Variants in HCN3 observed in about 807,000 individuals in gnomAD.
The protein encoded by HCN3 is potassium/sodium hyperpolarization-activated cyclic nucleotide-gated channel 3.
A neutral mutation model predicts 56.8 loss-of-function variants in HCN3; 36 were observed. The ratio of observed to expected loss-of-function variants is 0.63; its 90% CI spans 0.49 to 0.84. The LOEUF is 0.84. Among genes scored for constraint, HCN3 ranks in the 40% least tolerant of loss-of-function variants. The pLI is 0.00. For synonymous variants in HCN3, 425 were observed against 439.7 expected, an observed-to-expected ratio of 0.97 and a Z score of 0.42; for missense variants, 930 against 1,079.3, an observed-to-expected ratio of 0.86 and a Z score of 1.94.
chr1:155,285,139 C>T lies in HCN3; in HGVS notation c.1090-26C>T, dbSNP rs769941207. 8.1e-6 allele frequency: 13 copies of T among 1,609,696 alleles called. No homozygotes were observed. Among genetic ancestry groups the T allele is most frequent in the South Asian group, 1.1e-5 (1 of 90,858 alleles). ...CCAAATCTCTCCCTCTGTCCTCTTG[C>T]CCCTGGCAATGGGCTGGCCCTCCAG... On this transcript the variant is annotated intron_variant, in intron 4 of 7. Transcript: ENST00000368358. This position sits in a 1 kb window ranked among gnomAD's most constrained non-coding sequence, Gnocchi z 4.5.
At chr1:155,283,467 ACAT>A (rs1333798579) in intron 2 of HCN3, among the ~76,000 whole-genome samples, 2 of 151,898 alleles carry the variant, frequency 1.3e-5, no homozygotes, top group Non-Finnish European at 2.9e-5. Flanking sequence ...CAGGTTAGTT[ACAT>A]ATGTATACAT....
In HCN3 at chr1:155,285,049, G is replaced by C; in HGVS notation, c.1090-116G>C. On this transcript the variant is annotated intron_variant, in intron 4 of 7. Transcript: ENST00000368358. This position sits in a 1 kb window ranked among gnomAD's most constrained non-coding sequence, Gnocchi z 4.5. ...CCTGTGTATCCATGTCTGGTTCCAC[G>C]TTTCACCCCTTTGAGTTTGACCTGT... The C allele has an allele frequency of 5.8e-6, 7 of 1,208,128 alleles. No homozygotes were observed. Among genetic ancestry groups the C allele is most frequent in the Non-Finnish European group, 8.3e-6 (7 of 844,966 alleles). 74.8% of individuals were successfully genotyped at this position (1,208,128 alleles called of 1,614,324 possible). A position where few individuals can be genotyped will look rare whatever the true frequency, so the allele number is the denominator to read the frequency against.
rs1400668612 is a variant in HCN3 at position 155,282,644 on chromosome 1, C to T, written c.512C>T (p.Thr171Ile). Residue 171 changes from threonine (T) to isoleucine (I), a missense_variant, in exon 2 of 8, where the codon ACC becomes ATC. Physicochemically the swap from Thr to Ile is moderately conservative, Grantham distance 89 (BLOSUM62 -1). Coordinates refer to ENST00000368358, the MANE Select transcript of HCN3 (RefSeq NM_020897.3). This position sits in a 1 kb window ranked among gnomAD's most constrained non-coding sequence, Gnocchi z 4.7. The part of the protein sequence containing the change: ...PRAIRTRYLR[T>I]WFLVDLISSI... ...GCCATCCGCACGCGCTACCTGCGCA[C>T]CTGGTTCCTGGTTGACCTCATCTCT... is the stretch of plus-strand genomic sequence containing the variant. 1 of 1,614,232 alleles carries T rather than the reference C, an allele frequency of 6.2e-7. No individual in the cohort carries two copies.
At chr1:155,286,169 G>A (rs939325493) in intron 6 of HCN3, among the ~76,000 whole-genome samples, 10 of 152,046 alleles carry the variant, frequency 6.6e-5, no homozygotes, top group Non-Finnish European at 1.5e-4. Context: ...TTTTTGAGGT[G>A]GAGTCTCGCT....
chr1:155,284,159 C>G lies in HCN3; in HGVS notation c.870+24C>G. 1 of 1,609,620 alleles carries G rather than the reference C, an allele frequency of 6.2e-7. No homozygotes were observed. Among genetic ancestry groups the G allele is most frequent in the Non-Finnish European group, 8.5e-7 (1 of 1,176,554 alleles). ...TGGTGAGAAGTCCCCACAGCTCTGCCTTTCCTGGGCCTTCTTAGGGCTCTT... is the reference window on the plus strand; with the variant it reads ...TGGTGAGAAGTCCCCACAGCTCTGCGTTTCCTGGGCCTTCTTAGGGCTCTT... On this transcript the variant is annotated intron_variant, in intron 3 of 7. Transcript: ENST00000368358. This position sits in a 1 kb window ranked among gnomAD's most constrained non-coding sequence, Gnocchi z 4.3.
In HCN3 at chr1:155,288,060, T is replaced by G. The variant is rs1384686200; in HGVS notation, c.1922T>G (p.Leu641Arg). The G allele has an allele frequency of 6.2e-7, 1 of 1,613,330 alleles. No homozygotes were observed. Among genetic ancestry groups the G allele is most frequent in the South Asian group, 1.1e-5 (1 of 91,042 alleles). ...CTCTCCCCTGACTCTCCAGCCACCCTCCTTGCTCGCTCTGCTTGGCGCTCA... is the reference window on the plus strand; with the variant it reads ...CTCTCCCCTGACTCTCCAGCCACCCGCCTTGCTCGCTCTGCTTGGCGCTCA... ...LPLSPDSPAT[L>R]LARSAWRSAG... The change falls in exon 8 of 8, where the codon CTC becomes CGC. Residue 641 changes from leucine (L) to arginine (R), a missense_variant. Coordinates refer to ENST00000368358, the MANE Select transcript of HCN3 (RefSeq NM_020897.3). The surrounding 1 kb of genome is among the most constrained non-coding windows in gnomAD (Gnocchi z 6.5).
intron 1 of HCN3, among the ~76,000 whole-genome samples, chr1:155,281,418 G>T (rs1402601716): frequency 2.0e-5 from 3 of 150,670 alleles, no homozygotes; most frequent in Non-Finnish European, 4.4e-5. Flanking sequence ...ACCCAGGTTG[G>T]AGAGCAGTGG....
chr1:155,287,953 A>T lies in HCN3; in HGVS notation c.1815A>T (p.Pro605=), dbSNP rs1478598232. 1 of 1,614,066 alleles carries T rather than the reference A, an allele frequency of 6.2e-7. No individual in the cohort carries two copies. Among genetic ancestry groups the T allele is most frequent in the Non-Finnish European group, 8.5e-7 (1 of 1,180,014 alleles). The change falls in exon 8 of 8, where the codon CCA becomes CCT. Residue 605 remains proline (P), a synonymous_variant. Coordinates refer to ENST00000368358, the MANE Select transcript of HCN3 (RefSeq NM_020897.3). The stretch of plus-strand genomic sequence containing the variant: ...GTGGAAAGCCAGTACTGTGGGAGCC[A>T]CTGGTACATGCGCCCCTTCAGGCAG... ...QLSGKPVLWE[P]LVHAPLQAAA...
chr1:155,278,687 C>G (rs1189350198), intron 1 of HCN3, among the ~76,000 whole-genome samples: 2 of 152,178 alleles, frequency 1.3e-5, no homozygotes, highest in Admixed American at 1.3e-4. Flanking sequence ...GAATCTGGAG[C>G]CTCGAAATAC....
chr1:155,287,919 C>T lies in HCN3; in HGVS notation c.1781C>T (p.Ala594Val), dbSNP rs1467642492. The T allele has an allele frequency of 3.7e-6, 6 of 1,614,000 alleles. No homozygotes were observed. The highest frequency in any genetic ancestry group is 5.1e-6 in the Non-Finnish European group (6 of 1,180,022). ...CGGGGTCGGGCCCCGAGCACAGGAG[C>T]TCAGCTTAGTGGAAAGCCAGTACTG... ...GVRGRAPSTGAQLSGKPVLWE... is the reference protein window; with the variant it reads ...GVRGRAPSTGVQLSGKPVLWE... Residue 594 changes from alanine to valine, a missense_variant, in exon 8 of 8, where the codon GCT becomes GTT. Ala to Val is a moderately conservative substitution (Grantham distance 64). Transcript: ENST00000368358.
chr1:155,280,049 C>T (rs1439669856), intron 1 of HCN3, among the ~76,000 whole-genome samples: 4 of 151,572 alleles, frequency 2.6e-5, no homozygotes, highest in African/African-American at 4.8e-5. Flanking sequence ...CGGGTTCAAG[C>T]GATTCTTCTG....
Position 155,288,586 on chromosome 1 carries a change from G to A in HCN3, c.*123G>A, listed in dbSNP as rs1224821123. The A allele has an allele frequency of 1.6e-5, 20 of 1,268,866 alleles. No homozygotes were observed. Among genetic ancestry groups the A allele is most frequent in the East Asian group, 2.4e-5 (1 of 41,526 alleles). 78.6% of individuals were successfully genotyped at this position (1,268,866 alleles called of 1,614,324 possible). ...CCCCATGGAAATGTCGACCCTGTGC[G>A]GACATTCCGCATACTGCCATGAAGA... On this transcript the variant is annotated 3_prime_UTR_variant, in exon 8 of 8. Transcript: ENST00000368358. This position sits in a 1 kb window ranked among gnomAD's most constrained non-coding sequence, Gnocchi z 6.5.
At position 155,282,383 on chromosome 1, in the gene HCN3, CT is replaced by C; in HGVS notation, c.279-26del. ...GTGGCTGGTGAAATATCCTCATGGT[CT>C]TACTCCTCATCTCACTCCCACCTTA... On this transcript the variant is annotated intron_variant, in intron 1 of 7. Transcript: ENST00000368358. This position sits in a 1 kb window ranked among gnomAD's most constrained non-coding sequence, Gnocchi z 4.7. The C allele has an allele frequency of 6.2e-7, 1 of 1,607,216 alleles. No individual in the cohort carries two copies. Among genetic ancestry groups the C allele is most frequent in the East Asian group, 2.2e-5 (1 of 44,852 alleles).
intron 1 of HCN3, among the ~76,000 whole-genome samples, chr1:155,280,247 T>TTTTATTTA (rs1311518852): frequency 4.9e-5 from 7 of 143,488 alleles, no homozygotes; most frequent in Non-Finnish European, 1.0e-4. Flanking sequence ...ACCGGCAAAT[T>TTTTATTTA]TTTATTTATT....
rs376990594 is a variant in HCN3 at position 155,288,434 on chromosome 1, C to T, written c.2296C>T (p.Arg766Trp). ...ACCAGTGCCTGAGCCAGCCACACCC[C>T]GGGGTCTCCAGCTTTCTGCCAACAT... is the stretch of plus-strand genomic sequence containing the variant. ...RPPVPEPATP[R>W]GLQLSANM is the part of the protein sequence containing the mutation. Residue 766 changes from arginine to tryptophan, a missense_variant, in exon 8 of 8, where the codon CGG becomes TGG. Transcript: ENST00000368358. This position sits in a 1 kb window ranked among gnomAD's most constrained non-coding sequence, Gnocchi z 6.5. 7.1e-5 allele frequency: 114 copies of T among 1,606,420 alleles called. No homozygotes were observed. The highest frequency in any genetic ancestry group is 8.8e-5 in the Non-Finnish European group (104 of 1,176,912).
intron 1 of HCN3, among the ~76,000 whole-genome samples, chr1:155,279,503 A>G (rs1272111213): frequency 6.6e-6 from 1 of 151,996 alleles, no homozygotes; most frequent in Non-Finnish European, 1.5e-5. Context: ...GTGGAGGGGG[A>G]AGGGCATCCC....
rs1385394605 is a variant in HCN3, at chr1:155,282,128, A to T, written c.279-283A>T. Among the ~76,000 whole-genome samples, 1 of 152,176 alleles carries T rather than the reference A, an allele frequency of 6.6e-6. No homozygotes were observed. Among genetic ancestry groups the T allele is most frequent in the Non-Finnish European group, 1.5e-5 (1 of 68,038 alleles). ...GTTCTCAAATTTAATGCTGCTATAA[A>T]CATTCCTATGTGTATCTCCTGGAGC... On this transcript the variant is annotated intron_variant, in intron 1 of 7. Coordinates refer to ENST00000368358, the MANE Select transcript of HCN3 (RefSeq NM_020897.3). This position sits in a 1 kb window ranked among gnomAD's most constrained non-coding sequence, Gnocchi z 4.7.
In HCN3 at chr1:155,285,293, G is replaced by T. The variant is rs746863551; in HGVS notation, c.1218G>T (p.Leu406=). The T allele has an allele frequency of 6.3e-7, 1 of 1,587,790 alleles. No homozygotes were observed. The highest frequency in any genetic ancestry group is 1.7e-5 in the Admixed American group (1 of 58,278). ...ATGAGGAAAGCATCCTGGGCGAGCT[G>T]AGCGAGCCGCTTCGCGAGGTGGGGC... ...MFDEESILGE[L]SEPLREEIIN... Residue 406 remains leucine, a synonymous_variant, in exon 5 of 8, where the codon CTG becomes CTT. Coordinates refer to ENST00000368358, the MANE Select transcript of HCN3 (RefSeq NM_020897.3). This position sits in a 1 kb window ranked among gnomAD's most constrained non-coding sequence, Gnocchi z 4.5.
Position 155,284,866 on chromosome 1 carries a change from T to C in HCN3, c.1089+109T>C. On this transcript the variant is annotated intron_variant, in intron 4 of 7. Coordinates refer to ENST00000368358, the MANE Select transcript of HCN3 (RefSeq NM_020897.3). The surrounding 1 kb of genome is among the most constrained non-coding windows in gnomAD (Gnocchi z 4.3). ...GCCCCTGTTGCGTCTCTGTTTCCTT[T>C]CCTGCCCTGTGTCCATTTGTTCCCT... 1 of 1,040,032 alleles carries C rather than the reference T, an allele frequency of 9.6e-7. No individual in the cohort carries two copies. The highest frequency in any genetic ancestry group is 1.4e-6 in the Non-Finnish European group (1 of 713,596). 64.4% of individuals were successfully genotyped at this position (1,040,032 alleles called of 1,614,324 possible).
Sources: allele counts gnomAD v4.1 joint callset (sites outside exome capture counted in the v4.1 genomes callset), GRCh38; gene constraint gnomAD v4.1.1; non-coding constraint Gnocchi (gnomAD v3.1); transcripts MANE v1.5; gene names NCBI Gene and HGNC (gene_info 2026-07-23, HGNC 2026-07-21).